The following INTS1 variants were observed in gnomAD, a reference collection of about 807,000 sequenced individuals.
The protein encoded by INTS1 is integrator complex subunit 1.
A neutral mutation model predicts 241.6 loss-of-function variants in INTS1; 137 were observed. The observed-to-expected ratio is 0.57, with a 90% CI of 0.49 to 0.65. INTS1 has a LOEUF of 0.65. Among genes scored for constraint, INTS1 ranks in the 30% least tolerant of loss-of-function variants. The pLI is 0.00. For synonymous variants in INTS1, 1,692 were observed against 1,337.8 expected (o/e 1.26, Z -5.78); for missense variants, 3,073 against 3,032.2 (o/e 1.01, Z -0.32).
intron 25 of INTS1, 73 bp from the exon 26 acceptor site, chr7:1,483,926 C>T: frequency 1.1e-5 from 17 of 1,584,650 alleles, no homozygotes; most frequent in Non-Finnish European, 8.6e-6. Context: ...ACCCAGCTGG[C>T]ACCGAGCGTG....
chr7:1,491,197 A>ACAGCAG (rs938095153), intron 16 of INTS1, among the ~76,000 whole-genome samples: 2 of 152,186 alleles, frequency 1.3e-5, no homozygotes, highest in Non-Finnish European at 2.9e-5. Context: ...CAAAGCACAC[A>ACAGCAG]CAGCAGCAGC....
At chr7:1,498,946 C>CCCCCCCCCCCCCCCCCGG in intron 8 of INTS1, 29 bp downstream of exon 8, 2 of 1,194,118 alleles carry the variant, frequency 1.7e-6, no homozygotes, top group East Asian at 5.5e-5. Context: ...ACCCCCTGCC[C>CCCCCCCCCCCCCCCCCGG]CGCCCACCCC....
rs868084562 is a variant in INTS1, at chr7:1,480,846, G to T, written c.3938C>A (p.Pro1313Gln). ...CCCCTCCCCAGTACCTCGGCGGGGC[G>T]GCAGGGAGGCTGTGAGCAAGGAGTG... The part of the protein sequence containing the change: ...TFHSLLTASL[P>Q]PRRDSTEAPK... Residue 1313 changes from proline (P) to glutamine (Q), a missense_variant, in exon 29 of 48, where the codon CCG becomes CAG. Transcript: ENST00000404767. The T allele has an allele frequency of 6.4e-7, 1 of 1,552,266 alleles. No individual in the cohort carries two copies. The highest frequency in any genetic ancestry group is 8.7e-7 in the Non-Finnish European group (1 of 1,148,766).
At position 1,486,926 on chromosome 7, in the gene INTS1, C is replaced by A; in HGVS notation, c.2822G>T (p.Arg941Leu). ...GESKEQKAKK[R>L]QRQQKQRQLL... is the part of the protein sequence containing the mutation. ...TGAGGGGTGGGCGGCCCTGACCTGC[C>A]GCTTCTTGGCCTTCTGCTCCTTGCT... is the stretch of plus-strand genomic sequence containing the variant. Residue 941 changes from arginine (R) to leucine (L), a missense_variant, in exon 21 of 48, where the codon CGG (arginine) becomes CTG (leucine). Coordinates refer to ENST00000404767, the MANE Select transcript of INTS1 (RefSeq NM_001080453.3). 6.2e-7 allele frequency: 1 copy of A among 1,600,960 alleles called. No homozygotes were observed. Among genetic ancestry groups the A allele is most frequent in the Non-Finnish European group, 8.5e-7 (1 of 1,177,310 alleles).
intron 16 of INTS1, among the ~76,000 whole-genome samples, chr7:1,492,572 C>T (rs1395060725): frequency 6.6e-6 from 1 of 152,226 alleles, no homozygotes; most frequent in African/African-American, 2.4e-5. Flanking sequence ...CTTTAGATAA[C>T]ACGTACATGA....
At chr7:1,483,252 T>A (rs865877599) in intron 26 of INTS1, 14 of 224,610 alleles carry the variant, frequency 6.2e-5, no homozygotes, top group African/African-American at 2.5e-4. Flanking sequence ...CAGCCAGGAG[T>A]AAAGGGGAAG....
rs1562507087 is a variant in INTS1, at chr7:1,489,430, G to A, written c.2258-26C>T. The A allele has an allele frequency of 3.8e-6, 4 of 1,050,878 alleles. No homozygotes were observed. The African/African-American group carries it at 1.2e-4, about 30-fold the overall frequency. The allele number at this position is 1,050,878 out of a possible 1,614,324, so 65.1% of individuals were successfully genotyped here. Reference sequence around the variant, plus strand: ...CTAGGGAACCGGAGGGTGTGGGGCTGGCCAGGCTCCCCTGGGCACCAGGCG... The same window carrying A: ...CTAGGGAACCGGAGGGTGTGGGGCTAGCCAGGCTCCCCTGGGCACCAGGCG... On this transcript the variant is annotated intron_variant, in intron 17 of 47. Transcript: ENST00000404767.
chr7:1,477,720 C>T, intron 34 of INTS1, 33 bp downstream of exon 34: 1 of 1,607,062 alleles, frequency 6.2e-7, no homozygotes, highest in Non-Finnish European at 8.5e-7. Flanking sequence ...CACCCGCCTG[C>T]CCACCCTGGC....
Position 1,471,963 on chromosome 7 carries a change from G to A in INTS1, c.6184+310C>T, listed in dbSNP as rs370787302. ...TGGCTGTCCTCTGACAGCGGCCACC[G>A]GTACTGCCCACCCGCTGGTCTTGCC... is the stretch of plus-strand genomic sequence containing the variant. On this transcript the variant is annotated intron_variant, in intron 44 of 47. Coordinates refer to ENST00000404767, the MANE Select transcript of INTS1 (RefSeq NM_001080453.3). 3.9e-3 allele frequency among the ~76,000 whole-genome samples: 599 copies of A among 152,300 alleles called. 1 individual carries two copies. The highest frequency in any genetic ancestry group is 5.2e-3 in the Non-Finnish European group (354 of 68,022).
At position 1,471,182 on chromosome 7, in the gene INTS1, G is replaced by T. The variant is rs756865735; in HGVS notation, c.6298C>A (p.Arg2100Ser). 1 of 1,584,672 alleles carries T rather than the reference G, an allele frequency of 6.3e-7. No homozygotes were observed. Residue 2100 changes from arginine (R) to serine (S), a missense_variant, in exon 46 of 48, where the codon CGC (arginine) becomes AGC (serine). Physicochemically the swap from Arg to Ser is moderately radical, Grantham distance 110. Transcript: ENST00000404767. The part of the protein sequence containing the change: ...RLMSSAEECC[R>S]NLAFSLALRS... The stretch of plus-strand genomic sequence containing the variant: ...AGGGCCAGGCTGAAGGCGAGGTTGC[G>T]GCAACACTCCTCGGCCGAGCTCATC...
chr7:1,478,571 G>A (rs1781845684), intron 32 of INTS1, 65 bp from the exon 33 acceptor site: 1 of 1,564,188 alleles, frequency 6.4e-7, no homozygotes, highest in African/African-American at 1.4e-5. Context: ...ATCCCATCCA[G>A]GGAGGCCCCA....
chr7:1,502,754 A>T, intron 3 of INTS1, 147 bp downstream of exon 3: 1 of 857,246 alleles, frequency 1.2e-6, no homozygotes, highest in Non-Finnish European at 1.9e-6. Context: ...CGTGAGAAGC[A>T]CTTCCAAGAA....
At chr7:1,490,854 G>A (rs1049211471) in intron 16 of INTS1, among the ~76,000 whole-genome samples, 2 of 152,362 alleles carry the variant, frequency 1.3e-5, no homozygotes, top group Non-Finnish European at 1.5e-5. Flanking sequence ...TAGACGGACA[G>A]AACAGACGTG....
rs754076093 is a variant in INTS1 at position 1,473,634 on chromosome 7, G to C, written c.5889C>G (p.Ile1963Met). The change falls in exon 42 of 48, where the codon ATC (isoleucine) becomes ATG (methionine). Residue 1963 changes from isoleucine to methionine, a missense_variant. By Grantham distance (10) the Ile-to-Met change is conservative. Transcript: ENST00000404767. ...AAFINKFVQF[I>M]HKYITYNAPA... ...GGGCATTGTAGGTAATGTACTTATGGATGAACTGCACAAACTTGTTGATGA... is the reference window on the plus strand; with the variant it reads ...GGGCATTGTAGGTAATGTACTTATGCATGAACTGCACAAACTTGTTGATGA... The C allele has an allele frequency of 5.6e-6, 9 of 1,613,274 alleles. No homozygotes were observed. The Admixed American group carries it at 1.0e-4, about 18-fold the overall frequency.
intron 20 of INTS1, 56 bp from the exon 21 acceptor site, chr7:1,487,157 C>A (rs1285309343): frequency 2.0e-6 from 3 of 1,528,348 alleles, no homozygotes; most frequent in Non-Finnish European, 1.8e-6. Context: ...CACCTGCCGC[C>A]AGCCCCCCGG....
In INTS1 at chr7:1,504,349, G is replaced by C. The variant is rs147441909; in HGVS notation, c.-68C>G. 2.0e-6 allele frequency: 1 copy of C among 499,262 alleles called. No homozygotes were observed. The highest frequency in any genetic ancestry group is 1.5e-5 in the South Asian group (1 of 65,022). 30.9% of individuals were successfully genotyped at this position (499,262 alleles called of 1,614,324 possible). A position where few individuals can be genotyped will look rare whatever the true frequency, so the allele number is the denominator to read the frequency against. On this transcript the variant is annotated 5_prime_UTR_variant, in exon 1 of 48. Coordinates refer to ENST00000404767, the MANE Select transcript of INTS1 (RefSeq NM_001080453.3). ...TCTGGCCCATCGCGACCGGAGCGCC[G>C]CCGCCGCCACCCGGCCACCCCGGAA...
Position 1,499,966 on chromosome 7 carries a change from T to C in INTS1, c.602A>G (p.Asn201Ser). 3 of 1,613,694 alleles carry C rather than the reference T, an allele frequency of 1.9e-6. 1 individual carries two copies. The highest frequency in any genetic ancestry group is 2.2e-5 in the South Asian group (2 of 91,086). ...DASINFKAKG[N>S]SLVSVLACNL... ...ACAGGCCAGCACAGACACCAGGCTG[T>C]TCCCCTTGGCCTTGAAGTTGATGGA... Residue 201 changes from asparagine to serine, a missense_variant, in exon 5 of 48, where the codon AAC becomes AGC. Physicochemically the swap from Asn to Ser is conservative, Grantham distance 46. Coordinates refer to ENST00000404767, the MANE Select transcript of INTS1 (RefSeq NM_001080453.3).
chr7:1,470,928 G>C lies in INTS1; in HGVS notation c.6375C>G (p.Phe2125Leu), dbSNP rs759782397. 3 of 1,578,932 alleles carry C rather than the reference G, an allele frequency of 1.9e-6. No homozygotes were observed. In the South Asian group the frequency reaches 3.5e-5, roughly 18 times the overall value. The change falls in exon 47 of 48, where the codon TTC (phenylalanine) becomes TTG (leucine). Residue 2125 changes from phenylalanine (F) to leucine (L), a missense_variant. By Grantham distance (22) the Phe-to-Leu change is conservative (BLOSUM62 0). Transcript: ENST00000404767. ...AGTCCTGGCTGCCCAGGCAGTACAT[G>C]AACGTGGGCAGGAAAGCGGCTGCAA... ...PSIAAAFLPT[F>L]MYCLGSQDFE... is the part of the protein sequence containing the mutation.
intron 22 of INTS1, among the ~76,000 whole-genome samples, chr7:1,485,678 C>T (rs943746232): frequency 1.3e-5 from 2 of 152,236 alleles, no homozygotes; most frequent in African/African-American, 4.8e-5. Flanking sequence ...CCACTCTGGA[C>T]CCTCCCGTCA....
Sources: allele counts gnomAD v4.1 joint callset (sites outside exome capture counted in the v4.1 genomes callset), GRCh38; gene constraint gnomAD v4.1.1; transcripts MANE v1.5; gene names NCBI Gene and HGNC (gene_info 2026-07-23, HGNC 2026-07-21).